Variants in UBASH3B observed in about 807,000 individuals in gnomAD.
The protein encoded by UBASH3B is ubiquitin associated and SH3 domain containing B.
Under a neutral mutation model 83.4 loss-of-function variants are expected in UBASH3B, and 37 were observed. The ratio of observed to expected loss-of-function variants is 0.44; its 90% CI spans 0.34 to 0.58. The LOEUF (loss-of-function observed/expected upper bound fraction) is 0.58. Among genes scored for constraint, UBASH3B ranks in the 20% least tolerant of loss-of-function variants. The pLI is 0.01. For missense variants in UBASH3B, 657 were observed against 827.2 expected (o/e 0.79, Z 2.52); for synonymous variants, 304 against 318.3 (o/e 0.96, Z 0.48).
intron 1 of UBASH3B, among the ~76,000 whole-genome samples, chr11:122,664,656 C>A (rs1318706819): frequency 6.6e-6 from 1 of 152,224 alleles, no homozygotes; most frequent in Non-Finnish European, 1.5e-5. Flanking sequence ...ATCTTGCTCA[C>A]ATCCCTGTTT....
chr11:122,798,363 AAT>A (rs1177559054), intron 9 of UBASH3B, among the ~76,000 whole-genome samples: 2 of 152,124 alleles, frequency 1.3e-5, no homozygotes, highest in African/African-American at 2.4e-5. Context: ...CCTGTTTCTA[AAT>A]ATCTCCTAGC....
At chr11:122,695,376 C>G (rs1263013341) in intron 1 of UBASH3B, among the ~76,000 whole-genome samples, 5 of 152,194 alleles carry the variant, frequency 3.3e-5, no homozygotes, top group Non-Finnish European at 7.3e-5. Flanking sequence ...ATGATCTGAT[C>G]AGAGCCTGCG....
chr11:122,769,696 C>T (rs1385294124), intron 1 of UBASH3B, among the ~76,000 whole-genome samples: 2 of 152,204 alleles, frequency 1.3e-5, no homozygotes, highest in Non-Finnish European at 2.9e-5. Context: ...GTGTTGTTTT[C>T]CAAATATACC....
chr11:122,738,595 A>G (rs1860973364), intron 1 of UBASH3B, among the ~76,000 whole-genome samples: 1 of 152,202 alleles, frequency 6.6e-6, no homozygotes, highest in South Asian at 2.1e-4. Flanking sequence ...GCCTGTAAAG[A>G]ATGTTACATT....
Position 122,656,156 on chromosome 11 carries a change from A to C in UBASH3B, c.107A>C (p.Lys36Thr). ...RNRQQRPGTI[K>T]HGSALDVLLS... is the part of the protein sequence containing the mutation. The stretch of plus-strand genomic sequence containing the variant: ...CGCCAACAGCGCCCCGGCACCATCA[A>C]GCATGGATCGGCGCTGGACGTGCTC... The change falls in exon 1 of 14, where the codon AAG (lysine) becomes ACG (threonine). Residue 36 changes from lysine (K) to threonine (T), a missense_variant. By Grantham distance (78) the Lys-to-Thr change is moderately conservative. Around this residue, in one of 3 missense-constraint regions of UBASH3B, gnomAD observed 78 missense variants for 68.4 expected, o/e 1.14. Coordinates refer to ENST00000284273, the MANE Select transcript of UBASH3B (RefSeq NM_032873.5). 1.3e-6 allele frequency: 2 copies of C among 1,580,772 alleles called. No homozygotes were observed. Among genetic ancestry groups the C allele is most frequent in the Non-Finnish European group, 1.7e-6 (2 of 1,164,820 alleles).
intron 1 of UBASH3B, among the ~76,000 whole-genome samples, chr11:122,688,978 C>G (rs1328722504): frequency 5.9e-5 from 8 of 135,588 alleles, no homozygotes; most frequent in African/African-American, 1.3e-4. Context: ...GGCGGGGAGG[C>G]GGGGGGGGGG....
In UBASH3B at chr11:122,683,239, CAAA is replaced by C. The variant is rs59693425; in HGVS notation, c.161+27044_161+27046del. On this transcript the variant is annotated intron_variant, in intron 1 of 13. Transcript: ENST00000284273. ...CTGGAGACAGAGTGAGACCTTGTTT[CAAA>C]AAAAAAAAAAAAAAGTCTTAGATGT... Among the ~76,000 whole-genome samples, 297 of 132,920 alleles carry C rather than the reference CAAA, an allele frequency of 2.2e-3. 1 individual carries two copies. The highest frequency in any genetic ancestry group is 7.4e-3 in the African/African-American group (252 of 33,878). 87.2% of individuals were successfully genotyped at this position (132,920 alleles called of 152,430 possible).
intron 5 of UBASH3B, among the ~76,000 whole-genome samples, chr11:122,784,042 G>A (rs1415026564): frequency 1.3e-5 from 2 of 151,904 alleles, no homozygotes; most frequent in East Asian, 3.9e-4. Context: ...TGGGGTTCAA[G>A]CGATTCTCCT....
chr11:122,725,328 C>CAAAAAAAAAAA (rs527272428), intron 1 of UBASH3B, among the ~76,000 whole-genome samples: 1 of 87,946 alleles, frequency 1.1e-5, no homozygotes, highest in Non-Finnish European at 2.2e-5. Flanking sequence ...GCACCATAAA[C>CAAAAAAAAAAA]AAAAAAAAAA....
At chr11:122,709,890 G>A (rs1261167033) in intron 1 of UBASH3B, among the ~76,000 whole-genome samples, 1 of 152,006 alleles carries the variant, frequency 6.6e-6, no homozygotes, top group Non-Finnish European at 1.5e-5. Context: ...GGGGCTGTGG[G>A]TCGCGCCTGT....
intron 1 of UBASH3B, among the ~76,000 whole-genome samples, chr11:122,719,864 T>A (rs533505164): frequency 6.6e-6 from 1 of 152,336 alleles, no homozygotes; most frequent in Non-Finnish European, 1.5e-5. Context: ...CAGCATTGGA[T>A]GCAGGCGATC....
intron 4 of UBASH3B, chr11:122,782,749 G>T (rs1360291977): frequency 2.9e-5 from 8 of 279,454 alleles, no homozygotes; most frequent in Non-Finnish European, 5.4e-5. Flanking sequence ...GAAAGGTGGG[G>T]CTGGTGACCA....
chr11:122,801,131 A>C (rs1014999809), intron 10 of UBASH3B, 57 bp from the exon 11 acceptor site: 5 of 1,594,530 alleles, frequency 3.1e-6, no homozygotes, highest in African/African-American at 1.3e-5. Context: ...TTTTATAACA[A>C]CTTGGCCTGA....
chr11:122,667,807 C>A (rs1461066111), intron 1 of UBASH3B, among the ~76,000 whole-genome samples: 3 of 152,070 alleles, frequency 2.0e-5, no homozygotes. Context: ...TAGTCTAGTA[C>A]CCTTTTTCTT....
intron 1 of UBASH3B, among the ~76,000 whole-genome samples, chr11:122,769,050 G>A (rs527688342): frequency 3.5e-4 from 54 of 152,254 alleles, no homozygotes; most frequent in African/African-American, 1.1e-3. Context: ...TTACTATAAA[G>A]GAATACCTGA....
intron 1 of UBASH3B, among the ~76,000 whole-genome samples, chr11:122,751,038 G>A (rs1861190800): frequency 6.6e-6 from 1 of 152,224 alleles, no homozygotes; most frequent in Non-Finnish European, 1.5e-5. Context: ...CAAGACGGAT[G>A]TGTACCTGCA....
chr11:122,723,832 G>A (rs1027843993), intron 1 of UBASH3B, among the ~76,000 whole-genome samples: 1 of 152,248 alleles, frequency 6.6e-6, no homozygotes, highest in Non-Finnish European at 1.5e-5. Context: ...GAAGGAGGCA[G>A]GGTGGCCCTG....
intron 8 of UBASH3B, 105 bp from the exon 9 acceptor site, chr11:122,796,806 T>C: frequency 6.6e-7 from 1 of 1,512,224 alleles, no homozygotes; most frequent in Non-Finnish European, 9.1e-7. Flanking sequence ...CAGTGTGATC[T>C]CTTTGGCCAA....
chr11:122,777,351 G>A lies in UBASH3B; in HGVS notation c.402+141G>A. 4 of 926,362 alleles carry A rather than the reference G, an allele frequency of 4.3e-6. No individual in the cohort carries two copies. The South Asian group carries it at 5.5e-5, about 13-fold the overall frequency. The allele number at this position is 926,362 out of a possible 1,614,324, so 57.4% of individuals were successfully genotyped here. The stretch of plus-strand genomic sequence containing the variant: ...CCTACAGCTGGAGGGACCTTCAAGG[G>A]ATCAGTGAGGTCCACAATGGGCCCC... On this transcript the variant is annotated intron_variant, in intron 3 of 13. Coordinates refer to ENST00000284273, the MANE Select transcript of UBASH3B (RefSeq NM_032873.5).
Sources: gnomAD v4.1 joint callset for allele counts (sites outside exome capture counted in the v4.1 genomes callset) on GRCh38, gnomAD v4.1.1 for gene constraint, gnomAD v4.1.1 regional missense constraint, MANE v1.5 for transcripts, NCBI Gene and HGNC (gene_info 2026-07-23, HGNC 2026-07-21) for gene names.